Variants in RNF220 observed in about 807,000 individuals in gnomAD.
The protein encoded by RNF220 is ring finger protein 220.
A neutral mutation model predicts 67.1 loss-of-function variants in RNF220; 7 were observed. The ratio of observed to expected loss-of-function variants is 0.10; its 90% CI spans 0.06 to 0.20. The LOEUF (loss-of-function observed/expected upper bound fraction) is 0.20, where lower values mean the gene tolerates loss of function less well. RNF220 is among the 10% of genes least tolerant of loss of function. The pLI is 1.00. For missense variants in RNF220, 565 were observed against 740.3 expected (o/e 0.76, Z 2.75); for synonymous variants, 270 against 283.2 (o/e 0.95, Z 0.47).
At chr1:44,505,354 C>A (rs756523439) in intron 2 of RNF220, among the ~76,000 whole-genome samples, 2 of 152,248 alleles carry the variant, frequency 1.3e-5, no homozygotes, top group South Asian at 2.1e-4. Context: ...TCTGGTCAGG[C>A]CTTCCCTGAT....
At position 44,600,227 on chromosome 1, in the gene RNF220, G is replaced by T. The variant is rs1220954972; in HGVS notation, c.626-13938G>T. 6.6e-6 allele frequency among the ~76,000 whole-genome samples: 1 copy of T among 152,204 alleles called. No individual in the cohort carries two copies. The highest frequency in any genetic ancestry group is 1.5e-5 in the Non-Finnish European group (1 of 68,048). On this transcript the variant is annotated intron_variant, in intron 2 of 14. Transcript: ENST00000361799. This position sits in a 1 kb window ranked among gnomAD's most constrained non-coding sequence, Gnocchi z 4.0. ...ATCTCAGACATGTTGAGCTTAAAGA[G>T]CCTATGGGACATCCAAGCAGAGCAT... is the stretch of plus-strand genomic sequence containing the variant.
At chr1:44,597,449 T>TTCTC (rs150680804) in intron 2 of RNF220, among the ~76,000 whole-genome samples, 1 of 128,530 alleles carries the variant, frequency 7.8e-6, no homozygotes, top group South Asian at 2.6e-4. Context: ...ATACACGCCC[T>TTCTC]TCTCTCTCTC....
At chr1:44,536,855 C>T (rs895683764) in intron 2 of RNF220, among the ~76,000 whole-genome samples, 4 of 152,102 alleles carry the variant, frequency 2.6e-5, no homozygotes, top group African/African-American at 4.8e-5. Flanking sequence ...TATTATAATA[C>T]TAATGAGCAG....
intron 2 of RNF220, among the ~76,000 whole-genome samples, chr1:44,607,798 G>A (rs1667383335): frequency 6.6e-6 from 1 of 151,752 alleles, no homozygotes; most frequent in South Asian, 2.1e-4. Flanking sequence ...CAAATGTGCT[G>A]TTTTCTATCT....
At chr1:44,445,096 C>T (rs372824242) in intron 2 of RNF220, among the ~76,000 whole-genome samples, 1 of 152,120 alleles carries the variant, frequency 6.6e-6, no homozygotes, top group Non-Finnish European at 1.5e-5. Flanking sequence ...TGTCTACATT[C>T]CCGTGGTTAC....
intron 2 of RNF220, among the ~76,000 whole-genome samples, chr1:44,611,885 G>A (rs1325923590): frequency 6.6e-6 from 1 of 152,198 alleles, no homozygotes; most frequent in Non-Finnish European, 1.5e-5. Context: ...GAGTACAGAG[G>A]TCTGTGTCCC....
At chr1:44,595,824 C>T (rs542724279) in intron 2 of RNF220, among the ~76,000 whole-genome samples, 1 of 151,936 alleles carries the variant, frequency 6.6e-6, no homozygotes, top group Non-Finnish European at 1.5e-5. Flanking sequence ...AGTGCAGTGG[C>T]GCAATCTCAG....
At chr1:44,416,664 C>T (rs1648574339) in intron 2 of RNF220, among the ~76,000 whole-genome samples, 1 of 152,210 alleles carries the variant, frequency 6.6e-6, no homozygotes, top group South Asian at 2.1e-4. Context: ...CGGCGACTGG[C>T]CCTGTCTTCT....
chr1:44,410,417 A>G (rs924040440), intron 1 of RNF220, among the ~76,000 whole-genome samples: 3 of 152,204 alleles, frequency 2.0e-5, no homozygotes, highest in Non-Finnish European at 4.4e-5. Flanking sequence ...ATAACTTGAC[A>G]GGAAAGTTAT....
chr1:44,572,730 T>C (rs775304626), intron 2 of RNF220, among the ~76,000 whole-genome samples: 5 of 152,154 alleles, frequency 3.3e-5, no homozygotes, highest in Admixed American at 2.0e-4. Context: ...GCCTCAAGAG[T>C]AGCTTTTGAT....
At chr1:44,592,345 G>T (rs1666176513) in intron 2 of RNF220, among the ~76,000 whole-genome samples, 1 of 152,228 alleles carries the variant, frequency 6.6e-6, no homozygotes, top group Non-Finnish European at 1.5e-5. Flanking sequence ...CTGGTAACAG[G>T]CTGTGCCTGG....
At chr1:44,460,001 G>A (rs1339117039) in intron 2 of RNF220, among the ~76,000 whole-genome samples, 1 of 152,150 alleles carries the variant, frequency 6.6e-6, no homozygotes, top group Non-Finnish European at 1.5e-5. Context: ...GAAGAACACT[G>A]GTGTGTGTGG....
At chr1:44,568,083 C>T (rs945590014) in intron 2 of RNF220, among the ~76,000 whole-genome samples, 1 of 152,170 alleles carries the variant, frequency 6.6e-6, no homozygotes, top group Non-Finnish European at 1.5e-5. Context: ...CTGGTTCCTC[C>T]TAGAGTCCCT....
rs1644768316 is a variant in RNF220 at position 44,650,668 on chromosome 1, T to C, written c.1630-36T>C. The C allele has an allele frequency of 7.5e-6, 12 of 1,596,664 alleles. No homozygotes were observed. Among genetic ancestry groups the C allele is most frequent in the African/African-American group, 1.3e-5 (1 of 74,648 alleles). Reference sequence around the variant, plus strand: ...TGCTCACATGCGCACACATGGCTCATTGTGTAGACCAGAGCCCTCCCTGTT... The same window carrying C: ...TGCTCACATGCGCACACATGGCTCACTGTGTAGACCAGAGCCCTCCCTGTT... On this transcript the variant is annotated intron_variant, in intron 14 of 14. Coordinates refer to ENST00000361799, the MANE Select transcript of RNF220 (RefSeq NM_018150.4). This position sits in a 1 kb window ranked among gnomAD's most constrained non-coding sequence, Gnocchi z 4.3.
At chr1:44,629,218 A>T (rs1273618207) in intron 5 of RNF220, among the ~76,000 whole-genome samples, 1 of 152,272 alleles carries the variant, frequency 6.6e-6, no homozygotes, top group African/African-American at 2.4e-5. Context: ...GTTGAGGCCT[A>T]GAATCTGGAA....
intron 2 of RNF220, among the ~76,000 whole-genome samples, chr1:44,429,936 AAAAC>A (rs1018456127): frequency 1.3e-5 from 2 of 152,230 alleles, no homozygotes; most frequent in East Asian, 1.9e-4. Flanking sequence ...TGTAATGTGA[AAAAC>A]AAACAATCTA....
intron 2 of RNF220, among the ~76,000 whole-genome samples, chr1:44,590,963 T>C (rs571957526): frequency 6.6e-6 from 1 of 152,288 alleles, no homozygotes; most frequent in African/African-American, 2.4e-5. Flanking sequence ...TGTTTTTTGC[T>C]GTTTGGTTTT....
At chr1:44,445,828 A>G (rs1250979758) in intron 2 of RNF220, among the ~76,000 whole-genome samples, 2 of 152,186 alleles carry the variant, frequency 1.3e-5, no homozygotes, top group South Asian at 2.1e-4. Context: ...CATATTATAC[A>G]TGAGTCCTTT....
intron 2 of RNF220, among the ~76,000 whole-genome samples, chr1:44,518,598 C>T (rs769790382): frequency 3.4e-5 from 5 of 149,124 alleles, no homozygotes; most frequent in South Asian, 2.1e-4. Flanking sequence ...AATCCTGGGC[C>T]GGGCGCGGTG....
Sources: allele counts gnomAD v4.1 joint callset (sites outside exome capture counted in the v4.1 genomes callset), GRCh38; gene constraint gnomAD v4.1.1; non-coding constraint Gnocchi (gnomAD v3.1); transcripts MANE v1.5; gene names NCBI Gene and HGNC (gene_info 2026-07-23, HGNC 2026-07-21).